The following TRIM44 variants were observed in gnomAD, a reference collection of about 807,000 sequenced individuals.
TRIM44 encodes tripartite motif-containing protein 44.
In TRIM44, 13 loss-of-function variants were observed where a neutral mutation model predicts 37.4. That is an observed-to-expected ratio of 0.35 (90% CI 0.23 to 0.55). The LOEUF (loss-of-function observed/expected upper bound fraction) is 0.55. TRIM44 is among the 20% of genes least tolerant of loss of function. TRIM44 has a pLI of 0.89. For missense variants in TRIM44, 426 were observed against 437.2 expected (o/e 0.97, Z 0.23); for synonymous variants, 175 against 157.2 (o/e 1.11, Z -0.85).
chr11:35,742,636 AATT>A (rs1294339558), intron 4 of TRIM44, among the ~76,000 whole-genome samples: 3 of 132,338 alleles, frequency 2.3e-5, no homozygotes, highest in African/African-American at 8.8e-5. Flanking sequence ...TTTTATATAT[AATT>A]ATATTAATTG....
chr11:35,709,925 C>T (rs187002830), intron 2 of TRIM44, among the ~76,000 whole-genome samples: 3 of 152,224 alleles, frequency 2.0e-5, no homozygotes, highest in Admixed American at 2.0e-4. Context: ...AGAGAGACTC[C>T]AGGGATGCCT....
chr11:35,740,717 C>T (rs1436022134), intron 4 of TRIM44, among the ~76,000 whole-genome samples: 2 of 152,114 alleles, frequency 1.3e-5, no homozygotes, highest in Admixed American at 1.3e-4. Context: ...ATTTAACATC[C>T]TTGTACTCTT....
At position 35,664,211 on chromosome 11, in the gene TRIM44, G is replaced by A. The variant is rs539107532; in HGVS notation, c.669+431G>A. Among the ~76,000 whole-genome samples, 21 of 152,292 alleles carry A rather than the reference G, an allele frequency of 1.4e-4. No homozygotes were observed. In the South Asian group the frequency reaches 4.4e-3, roughly 32 times the overall value. ...CCACATGAATCCAAGCAAGTGATAC[G>A]TCTGCATTGAAAAGACTAACAAAAT... On this transcript the variant is annotated intron_variant, in intron 1 of 4. Transcript: ENST00000299413.
At chr11:35,779,056 G>GAGGC (rs1853018502) in intron 4 of TRIM44, among the ~76,000 whole-genome samples, 1 of 152,208 alleles carries the variant, frequency 6.6e-6, no homozygotes, top group Admixed American at 6.5e-5. Flanking sequence ...GGAGTCTACA[G>GAGGC]AGGCAGGCAG....
At chr11:35,715,252 T>C (rs1263562163) in intron 2 of TRIM44, among the ~76,000 whole-genome samples, 1 of 152,146 alleles carries the variant, frequency 6.6e-6, no homozygotes, top group African/African-American at 2.4e-5. Context: ...TAGACATCCA[T>C]CTCTCACGTT....
intron 4 of TRIM44, among the ~76,000 whole-genome samples, chr11:35,783,998 G>A (rs1291401205): frequency 6.6e-6 from 1 of 152,194 alleles, no homozygotes; most frequent in Non-Finnish European, 1.5e-5. Context: ...TCACACTGAC[G>A]TGGCCTTCAA....
At chr11:35,734,062 T>C (rs541085610) in intron 3 of TRIM44, among the ~76,000 whole-genome samples, 1 of 152,332 alleles carries the variant, frequency 6.6e-6, no homozygotes, top group South Asian at 2.1e-4. Context: ...ATTCTGTTTA[T>C]GTCTTTGATA....
intron 2 of TRIM44, among the ~76,000 whole-genome samples, chr11:35,710,067 A>C (rs973487482): frequency 6.6e-6 from 1 of 152,204 alleles, no homozygotes; most frequent in Non-Finnish European, 1.5e-5. Context: ...AACCCTCAGC[A>C]GTGTGTGACT....
chr11:35,774,755 G>T (rs570255508), intron 4 of TRIM44, among the ~76,000 whole-genome samples: 78 of 152,118 alleles, frequency 5.1e-4, no homozygotes, highest in African/African-American at 1.8e-3. Flanking sequence ...TTTTGTCAGG[G>T]TTGTCAAAGA....
chr11:35,674,389 A>G (rs1851436771), intron 1 of TRIM44, among the ~76,000 whole-genome samples: 1 of 152,228 alleles, frequency 6.6e-6, no homozygotes, highest in East Asian at 1.9e-4. Context: ...TGAAAAAACC[A>G]AAACCAACCA....
rs533694173 is a variant in TRIM44, at chr11:35,729,171, C to CA, written c.987+3018dup. On this transcript the variant is annotated intron_variant, in intron 3 of 4. Transcript: ENST00000299413. Reference sequence around the variant, plus strand: ...AACTGGAAACACTAATACACACAGACAAAAAAAAAATACCCAAGAAAAGCC... The same window carrying CA: ...AACTGGAAACACTAATACACACAGACAAAAAAAAAAATACCCAAGAAAAGCC... Among the ~76,000 whole-genome samples, 175 of 143,452 alleles carry CA rather than the reference C, an allele frequency of 1.2e-3. No homozygotes were observed. The Middle Eastern group carries it at 0.024, about 20-fold the overall frequency. 94.1% of individuals were successfully genotyped at this position (143,452 alleles called of 152,430 possible).
chr11:35,670,287 G>A (rs114972663), intron 1 of TRIM44, among the ~76,000 whole-genome samples: 1,638 of 152,278 alleles, frequency 0.011, 34 homozygotes, highest in African/African-American at 0.037. Context: ...TTATCCTAAT[G>A]TTAGAACATT....
intron 4 of TRIM44, among the ~76,000 whole-genome samples, chr11:35,737,589 A>G (rs1852341513): frequency 6.6e-6 from 1 of 152,172 alleles, no homozygotes; most frequent in Non-Finnish European, 1.5e-5. Context: ...TAATCCCAGG[A>G]CTTTGGGAGG....
At chr11:35,764,382 C>T (rs562823848) in intron 4 of TRIM44, among the ~76,000 whole-genome samples, 17 of 152,114 alleles carry the variant, frequency 1.1e-4, no homozygotes, top group Non-Finnish European at 2.4e-4. Flanking sequence ...TCTTTCAGGT[C>T]ACTTTTCCCC....
At chr11:35,686,588 G>T in intron 2 of TRIM44, among the ~76,000 whole-genome samples, 1 of 151,936 alleles carries the variant, frequency 6.6e-6, no homozygotes, top group South Asian at 2.1e-4. Flanking sequence ...ACGGAATCTC[G>T]CTCTGATGCC....
At chr11:35,728,379 G>A (rs1852212129) in intron 3 of TRIM44, among the ~76,000 whole-genome samples, 2 of 152,092 alleles carry the variant, frequency 1.3e-5, no homozygotes, top group South Asian at 2.1e-4. Context: ...TTTAATCTAT[G>A]AATTTAGTCC....
chr11:35,782,917 A>G (rs1364417676), intron 4 of TRIM44, among the ~76,000 whole-genome samples: 3 of 152,238 alleles, frequency 2.0e-5, no homozygotes, highest in Admixed American at 6.5e-5. Flanking sequence ...TTTGTGAGGT[A>G]GAAAGAGTGG....
intron 3 of TRIM44, among the ~76,000 whole-genome samples, chr11:35,730,259 T>G (rs575953349): frequency 6.6e-6 from 1 of 152,186 alleles, no homozygotes; most frequent in Admixed American, 6.5e-5. Flanking sequence ...AAAGAAAGAT[T>G]TGGTGAATTT....
At chr11:35,804,713 T>TGACA (rs1301535406) in intron 4 of TRIM44, among the ~76,000 whole-genome samples, 1 of 152,314 alleles carries the variant, frequency 6.6e-6, no homozygotes, top group Non-Finnish European at 1.5e-5. Flanking sequence ...TGCTTCTTAA[T>TGACA]GACAGCCCAC....
Sources: gnomAD v4.1 joint callset for allele counts (sites outside exome capture counted in the v4.1 genomes callset) on GRCh38, gnomAD v4.1.1 for gene constraint, MANE v1.5 for transcripts, NCBI Gene and HGNC (gene_info 2026-07-23, HGNC 2026-07-21) for gene names.